The following NME7 variants were observed in gnomAD, a reference collection of about 807,000 sequenced individuals.
NME7 encodes the protein NME/NM23 family member 7.
A neutral mutation model predicts 49.1 loss-of-function variants in NME7; 41 were observed. That is an observed-to-expected ratio of 0.83 (90% CI 0.65 to 1.08). NME7 has a LOEUF of 1.08. Ranked by LOEUF, NME7 falls within the 50% of genes least tolerant of loss-of-function variation. The probability of loss-of-function intolerance (pLI) is 0.00; values close to 1 mark genes in which losing one functional copy is unlikely to be tolerated. For missense variants in NME7, 423 were observed against 463.4 expected, an observed-to-expected ratio of 0.91 and a Z score of 0.80; for synonymous variants, 139 against 150.6, an observed-to-expected ratio of 0.92 and a Z score of 0.56.
chr1:169,363,655 T>C (rs1653743821), intron 1 of NME7, among the ~76,000 whole-genome samples: 1 of 152,216 alleles, frequency 6.6e-6, no homozygotes, highest in Admixed American at 6.5e-5. Context: ...TATTATTTTA[T>C]TACATTGAAC....
intron 1 of NME7, among the ~76,000 whole-genome samples, chr1:169,362,016 T>C (rs574898791): frequency 3.6e-4 from 55 of 152,134 alleles, no homozygotes; most frequent in African/African-American, 1.3e-3. Flanking sequence ...GAGACCAGCC[T>C]GGCCAACATG....
At chr1:169,139,837 CTT>C (rs992052135) in intron 11 of NME7, among the ~76,000 whole-genome samples, 1 of 152,092 alleles carries the variant, frequency 6.6e-6, no homozygotes, top group African/African-American at 2.4e-5. Flanking sequence ...ACTAAGAAAA[CTT>C]TGAAAACTAA....
At chr1:169,350,152 A>G (rs1005524592) in intron 1 of NME7, among the ~76,000 whole-genome samples, 32 of 151,472 alleles carry the variant, frequency 2.1e-4, no homozygotes, top group African/African-American at 7.8e-4. Context: ...AGATCGTGCC[A>G]AGAAAGAAAG....
chr1:169,228,082 G>A (rs969080912), intron 10 of NME7, among the ~76,000 whole-genome samples: 7 of 148,780 alleles, frequency 4.7e-5, no homozygotes, highest in Non-Finnish European at 9.0e-5. Flanking sequence ...ATATATACGT[G>A]TAATTTTATA....
intron 7 of NME7, among the ~76,000 whole-genome samples, chr1:169,258,556 C>T (rs115987262): frequency 0.12 from 15,205 of 127,846 alleles, 4,103 homozygotes; most frequent in Admixed American, 0.25. Context: ...CAAATTTAGA[C>T]ATCTTATTAT....
At chr1:169,181,364 TACACACACAC>T (rs58453647) in intron 10 of NME7, among the ~76,000 whole-genome samples, 228 of 91,568 alleles carry the variant, frequency 2.5e-3, no homozygotes, top group African/African-American at 7.0e-3. Flanking sequence ...CTCAAATTCC[TACACACACAC>T]ACACACACAC....
intron 7 of NME7, among the ~76,000 whole-genome samples, chr1:169,257,052 C>G (rs377467742): frequency 7.5e-6 from 1 of 133,584 alleles, no homozygotes; most frequent in East Asian, 2.0e-4. Flanking sequence ...GTGGAGCCTA[C>G]AGAGGCAGGC....
intron 10 of NME7, among the ~76,000 whole-genome samples, chr1:169,226,947 G>C (rs958344640): frequency 1.3e-5 from 2 of 152,006 alleles, no homozygotes; most frequent in Non-Finnish European, 2.9e-5. Context: ...TACTTAATGA[G>C]ACAAGATTCA....
rs150886368 is a variant in NME7, at chr1:169,313,358, T to C, written c.279-3278A>G. 1.5e-4 allele frequency among the ~76,000 whole-genome samples: 23 copies of C among 152,180 alleles called. No homozygotes were observed. The East Asian group carries it at 4.4e-3, about 29-fold the overall frequency. ...ACCCAAGAGATGATCCTTCCTAAAA[T>C]AATTTGGACCCAAAGGCTATACCAC... On this transcript the variant is annotated intron_variant, in intron 3 of 11. Coordinates refer to ENST00000367811, the MANE Select transcript of NME7 (RefSeq NM_013330.5).
intron 9 of NME7, among the ~76,000 whole-genome samples, chr1:169,231,857 G>A (rs945649424): frequency 6.6e-6 from 1 of 152,104 alleles, no homozygotes; most frequent in Non-Finnish European, 1.5e-5. Context: ...TTGATTCCAA[G>A]TGATTTAACT....
intron 5 of NME7, among the ~76,000 whole-genome samples, chr1:169,300,820 A>C (rs1333317319): frequency 6.6e-6 from 1 of 152,154 alleles, no homozygotes; most frequent in Non-Finnish European, 1.5e-5. Flanking sequence ...AGTCAACAAA[A>C]ATAAGCAATG....
chr1:169,133,080 C>CAT (rs755262264), intron 11 of NME7, among the ~76,000 whole-genome samples: 1 of 150,318 alleles, frequency 6.7e-6, no homozygotes, highest in Admixed American at 6.6e-5. Context: ...CTTCACTAGA[C>CAT]ATATGTGTTA....
At chr1:169,257,498 G>A (rs10919115) in intron 7 of NME7, among the ~76,000 whole-genome samples, 2 of 126,710 alleles carry the variant, frequency 1.6e-5, no homozygotes, top group African/African-American at 5.3e-5. Flanking sequence ...CAGTACCTCA[G>A]ATGTAAATGC....
chr1:169,221,793 T>C (rs1557994320), intron 10 of NME7, among the ~76,000 whole-genome samples: 1 of 151,968 alleles, frequency 6.6e-6, no homozygotes, highest in Non-Finnish European at 1.5e-5. Context: ...GGTGCGATCA[T>C]GGCTCACTGC....
At chr1:169,349,792 T>C (rs1054190186) in intron 1 of NME7, among the ~76,000 whole-genome samples, 1 of 152,174 alleles carries the variant, frequency 6.6e-6, no homozygotes, top group Non-Finnish European at 1.5e-5. Context: ...TCATTTGTAT[T>C]AGTAAGAATG....
chr1:169,135,984 A>C (rs1658416090), intron 11 of NME7, among the ~76,000 whole-genome samples: 1 of 152,160 alleles, frequency 6.6e-6, no homozygotes, highest in Non-Finnish European at 1.5e-5. Context: ...CTTGGATTTC[A>C]TAAAATCATA....
intron 11 of NME7, among the ~76,000 whole-genome samples, chr1:169,143,273 CTTT>C (rs71299493): frequency 2.0e-5 from 2 of 98,164 alleles, no homozygotes; most frequent in Non-Finnish European, 4.2e-5. Flanking sequence ...TCACCTCAGG[CTTT>C]TTTTTTTTTT....
intron 6 of NME7, among the ~76,000 whole-genome samples, chr1:169,291,598 C>T (rs1650505974): frequency 6.6e-6 from 1 of 151,590 alleles, no homozygotes; most frequent in Non-Finnish European, 1.5e-5. Context: ...ACGTGTATAC[C>T]TACATAATAA....
intron 1 of NME7, among the ~76,000 whole-genome samples, chr1:169,346,578 A>G (rs1012853261): frequency 6.6e-6 from 1 of 152,152 alleles, no homozygotes; most frequent in African/African-American, 2.4e-5. Flanking sequence ...AGTACCCCCA[A>G]CATTCATTAC....
Sources: allele counts gnomAD v4.1 joint callset (sites outside exome capture counted in the v4.1 genomes callset), GRCh38; gene constraint gnomAD v4.1.1; transcripts MANE v1.5; gene names NCBI Gene and HGNC (gene_info 2026-07-23, HGNC 2026-07-21).